The following FAT4 variants were observed in gnomAD, a reference collection of about 807,000 sequenced individuals.
FAT4 encodes the protein FAT atypical cadherin 4.
A neutral mutation model predicts 303.9 loss-of-function variants in FAT4; 84 were observed. The ratio of observed to expected loss-of-function variants is 0.28; its 90% CI spans 0.23 to 0.33. The LOEUF (loss-of-function observed/expected upper bound fraction) is 0.33. Ranked by LOEUF, FAT4 falls within the 10% of genes least tolerant of loss-of-function variation. FAT4 has a pLI of 1.00. For synonymous variants in FAT4, 2,307 were observed against 2,298.8 expected, an observed-to-expected ratio of 1.00 and a Z score of -0.10; for missense variants, 6,005 against 6,146.8, an observed-to-expected ratio of 0.98 and a Z score of 0.77.
chr4:125,421,751 C>T lies in FAT4; in HGVS notation c.7018+5129C>T, dbSNP rs141458753. Among the ~76,000 whole-genome samples, 410 of 152,098 alleles carry T rather than the reference C, an allele frequency of 2.7e-3. 11 individuals are homozygous for T. In the East Asian group the frequency reaches 0.043, roughly 16 times the overall value. ...GAGGTTTCTTGGAGATGAGCCAGTC[C>T]ACTTCCTTTATTTTCCAGATAAGAA... On this transcript the variant is annotated intron_variant, in intron 7 of 17. Transcript: ENST00000394329.
At chr4:125,447,247 G>A (rs1047423109) in intron 9 of FAT4, among the ~76,000 whole-genome samples, 4 of 151,960 alleles carry the variant, frequency 2.6e-5, no homozygotes, top group Non-Finnish European at 5.9e-5. Flanking sequence ...TTTTCAAAGA[G>A]GAAAATATAG....
intron 5 of FAT4, among the ~76,000 whole-genome samples, chr4:125,410,071 G>A (rs185711502): frequency 3.0e-4 from 45 of 152,112 alleles, no homozygotes; most frequent in Admixed American, 1.6e-3. Context: ...CACTTGGAAC[G>A]ATATGAGAAG....
At chr4:125,486,664 A>G (rs1410149526) in intron 16 of FAT4, among the ~76,000 whole-genome samples, 2 of 152,160 alleles carry the variant, frequency 1.3e-5, no homozygotes, top group African/African-American at 4.8e-5. Flanking sequence ...GCACCCTGTT[A>G]CCCAATGTTC....
intron 2 of FAT4, among the ~76,000 whole-genome samples, chr4:125,353,450 T>C (rs1470269346): frequency 1.3e-5 from 2 of 151,676 alleles, no homozygotes; most frequent in Admixed American, 6.6e-5. Context: ...CCCAAATTGG[T>C]ATTGGCTCAG....
chr4:125,350,958 A>T (rs1458873381), intron 2 of FAT4, among the ~76,000 whole-genome samples: 1 of 151,612 alleles, frequency 6.6e-6, no homozygotes, highest in Non-Finnish European at 1.5e-5. Context: ...AAGGACACAT[A>T]AATTATTATT....
intron 12 of FAT4, 133 bp from the exon 13 acceptor site, chr4:125,476,038 T>C (rs918834808): frequency 8.4e-5 from 38 of 451,658 alleles, no homozygotes; most frequent in African/African-American, 7.4e-4. Context: ...ATGTGATTTA[T>C]ACATTAAATC....
intron 2 of FAT4, among the ~76,000 whole-genome samples, chr4:125,351,307 C>A (rs1578549352): frequency 6.6e-6 from 1 of 151,652 alleles, no homozygotes; most frequent in Non-Finnish European, 1.5e-5. Context: ...ATCACTGATA[C>A]AGTAACTACT....
rs547381812 is a variant in FAT4, at chr4:125,451,723, C to A, written c.10713C>A (p.Thr3571=). 1.9e-6 allele frequency: 3 copies of A among 1,614,140 alleles called. No homozygotes were observed. In the Admixed American group the frequency reaches 5.0e-5, roughly 27 times the overall value. Residue 3571 remains threonine (T), a synonymous_variant, in exon 10 of 18, where the codon ACC becomes ACA. Transcript: ENST00000394329. ...GCACTGCTGGAGTTCTGAGCACAAC[C>A]AGAGAGATTGACAGAGAGCAGATTG... The part of the protein sequence containing the change: ...SLSTAGVLST[T]REIDREQIAD...
intron 2 of FAT4, among the ~76,000 whole-genome samples, chr4:125,383,175 A>G (rs558782455): frequency 6.6e-6 from 1 of 152,296 alleles, no homozygotes; most frequent in South Asian, 2.1e-4. Flanking sequence ...TTGGCACAAG[A>G]GACCTAGCTT....
At chr4:125,387,202 A>C (rs1733788127) in intron 2 of FAT4, among the ~76,000 whole-genome samples, 1 of 152,194 alleles carries the variant, frequency 6.6e-6, no homozygotes, top group African/African-American at 2.4e-5. Context: ...CTAATAACCA[A>C]CTGAAATAGA....
intron 2 of FAT4, among the ~76,000 whole-genome samples, chr4:125,385,791 C>T (rs72675316): frequency 0.028 from 4,318 of 152,070 alleles, 84 homozygotes; most frequent in East Asian, 0.07. Flanking sequence ...TCTACATTTC[C>T]ATAGTAGTTC....
rs199726050 is a variant in FAT4 at position 125,449,862 on chromosome 4, A to G, written c.8852A>G (p.His2951Arg). 3 of 1,613,960 alleles carry G rather than the reference A, an allele frequency of 1.9e-6. No individual in the cohort carries two copies. The highest frequency in any genetic ancestry group is 2.5e-6 in the Non-Finnish European group (3 of 1,179,886). ...TTCAGTAATGTGAATATCAACAGGC[A>G]TAGTTTTATAGTGACATCTTCAGAT... is the stretch of plus-strand genomic sequence containing the variant. ...TGFSNVNINR[H>R]SFIVTSSDRG... The change falls in exon 10 of 18, where the codon CAT (histidine) becomes CGT (arginine). Residue 2951 changes from histidine (H) to arginine (R), a missense_variant. By Grantham distance (29) the His-to-Arg change is conservative. Coordinates refer to ENST00000394329, the MANE Select transcript of FAT4 (RefSeq NM_001291303.3).
chr4:125,483,440 C>T (rs760444600), intron 16 of FAT4, among the ~76,000 whole-genome samples: 6 of 152,090 alleles, frequency 3.9e-5, no homozygotes, highest in East Asian at 1.9e-4. Context: ...TCTGTACTAA[C>T]GTACACTTAA....
At position 125,321,327 on chromosome 4, in the gene FAT4, A is replaced by G. The variant is rs1382145312; in HGVS notation, c.4916A>G (p.Lys1639Arg). 1 of 1,614,070 alleles carries G rather than the reference A, an allele frequency of 6.2e-7. No individual in the cohort carries two copies. Among genetic ancestry groups the G allele is most frequent in the Non-Finnish European group, 8.5e-7 (1 of 1,180,018 alleles). ...FTQPKYITIL[K>R]EGEPIGTNVI... is the part of the protein sequence containing the mutation. ...CAACCCAAATATATAACTATTTTGA[A>G]GGAAGGAGAACCCATTGGCACAAAC... Residue 1639 changes from lysine (K) to arginine (R), a missense_variant, in exon 2 of 18, where the codon AAG becomes AGG. Coordinates refer to ENST00000394329, the MANE Select transcript of FAT4 (RefSeq NM_001291303.3).
intron 14 of FAT4, among the ~76,000 whole-genome samples, chr4:125,478,640 T>G (rs917445242): frequency 1.3e-5 from 2 of 152,022 alleles, no homozygotes; most frequent in South Asian, 2.1e-4. Flanking sequence ...CAAGCAATTA[T>G]CTGCCTCAGC....
At chr4:125,350,218 G>A (rs183612288) in intron 2 of FAT4, among the ~76,000 whole-genome samples, 1 of 151,652 alleles carries the variant, frequency 6.6e-6, no homozygotes, top group Admixed American at 6.6e-5. Context: ...AACTTGGTTG[G>A]TGTTTATTTC....
At chr4:125,438,807 T>TG (rs1725546689) in intron 8 of FAT4, among the ~76,000 whole-genome samples, 1 of 152,192 alleles carries the variant, frequency 6.6e-6, no homozygotes, top group African/African-American at 2.4e-5. Context: ...CTATTCATGG[T>TG]ATCCTGAAGA....
intron 2 of FAT4, among the ~76,000 whole-genome samples, chr4:125,323,127 G>A (rs930607579): frequency 3.3e-5 from 5 of 152,126 alleles, no homozygotes; most frequent in African/African-American, 9.7e-5. Flanking sequence ...TTGAAGGCAG[G>A]AAATTAAGTC....
intron 2 of FAT4, among the ~76,000 whole-genome samples, chr4:125,362,137 T>C (rs1235161472): frequency 1.3e-5 from 2 of 152,174 alleles, no homozygotes; most frequent in East Asian, 1.9e-4. Context: ...GTGCTGATAA[T>C]ACAATGTTTC....
Sources: gnomAD v4.1 joint callset for allele counts (sites outside exome capture counted in the v4.1 genomes callset) on GRCh38, gnomAD v4.1.1 for gene constraint, MANE v1.5 for transcripts, NCBI Gene and HGNC (gene_info 2026-07-23, HGNC 2026-07-21) for gene names.